Variants in SLC35F4 observed in about 807,000 individuals in gnomAD.
SLC35F4 encodes the protein solute carrier family 35 member F4, also known as chromosome 14 open reading frame 36.
Under a neutral mutation model 44.2 loss-of-function variants are expected in SLC35F4, and 24 were observed. That is an observed-to-expected ratio of 0.54 (90% CI 0.39 to 0.76). The LOEUF (loss-of-function observed/expected upper bound fraction) is 0.76, where lower values mean the gene tolerates loss of function less well. Ranked by LOEUF, SLC35F4 falls within the 30% of genes least tolerant of loss-of-function variation. The pLI is 0.00. For synonymous variants in SLC35F4, 238 were observed against 223.6 expected (o/e 1.06, Z -0.57); for missense variants, 562 against 586.1 (o/e 0.96, Z 0.42).
intron 1 of SLC35F4, among the ~76,000 whole-genome samples, chr14:57,879,634 C>A (rs948823381): frequency 6.6e-6 from 1 of 152,132 alleles, no homozygotes; most frequent in Non-Finnish European, 1.5e-5. Context: ...TATTTCCCTG[C>A]CAGGAGAATG....
chr14:57,577,268 TTTAACTGATGTAC>T (rs1185850149), intron 4 of SLC35F4, among the ~76,000 whole-genome samples: 1 of 152,194 alleles, frequency 6.6e-6, no homozygotes, highest in Non-Finnish European at 1.5e-5. Flanking sequence ...AAAGATTCAG[TTTAACTGATGTAC>T]TTCAGTCAGT....
At chr14:57,917,023 T>C (rs1329647011) in intron 1 of SLC35F4, among the ~76,000 whole-genome samples, 1 of 152,060 alleles carries the variant, frequency 6.6e-6, no homozygotes, top group African/African-American at 2.4e-5. Flanking sequence ...TTGTTTTTGT[T>C]TGTTTGTTTG....
At position 57,613,152 on chromosome 14, in the gene SLC35F4, G is replaced by C. The variant is rs557505730; in HGVS notation, c.104-19028C>G. Reference sequence around the variant, plus strand: ...GTTGAGAACAACTGCTTACTATCTTGGGAAGCTGTCTGAGTTTCCTCCTTC... The same window carrying C: ...GTTGAGAACAACTGCTTACTATCTTCGGAAGCTGTCTGAGTTTCCTCCTTC... On this transcript the variant is annotated intron_variant, in intron 1 of 7. Coordinates refer to ENST00000556826, the MANE Select transcript of SLC35F4 (RefSeq NM_001306087.2). Among the ~76,000 whole-genome samples the C allele has an allele frequency of 1.1e-4, 17 of 152,288 alleles. No homozygotes were observed. The East Asian group carries it at 3.3e-3, about 29-fold the overall frequency.
In SLC35F4 at chr14:57,596,926, A is replaced by G. The variant is rs777922825; in HGVS notation, c.104-2802T>C. ...AGACATTTTAATCACTGTCTTAAAC[A>G]ATACAAACTTTAAACTTCCAAGCCA... On this transcript the variant is annotated intron_variant, in intron 1 of 7. Transcript: ENST00000556826. 3 of 1,347,208 alleles carry G rather than the reference A, an allele frequency of 2.2e-6. No homozygotes were observed. In the Admixed American group the frequency reaches 5.9e-5, roughly 27 times the overall value. The allele number at this position is 1,347,208 out of a possible 1,614,324, so 83.5% of individuals were successfully genotyped here.
intron 1 of SLC35F4, among the ~76,000 whole-genome samples, chr14:57,645,600 T>G (rs1233028281): frequency 6.6e-6 from 1 of 151,454 alleles, no homozygotes; most frequent in African/African-American, 2.4e-5. Context: ...TTTTCCTAAT[T>G]GAATGCCCTT....
At chr14:57,737,085 ATTCT>A (rs1566808610) in intron 1 of SLC35F4, among the ~76,000 whole-genome samples, 1 of 146,744 alleles carries the variant, frequency 6.8e-6, no homozygotes, top group Non-Finnish European at 1.5e-5. Context: ...GGAAAATGAC[ATTCT>A]TTCTATCTTT....
chr14:57,704,272 G>C (rs1047797304), intron 1 of SLC35F4, among the ~76,000 whole-genome samples: 2 of 152,066 alleles, frequency 1.3e-5, no homozygotes, highest in African/African-American at 4.8e-5. Context: ...CTGGTCGGAC[G>C]GAAACCTCTG....
At chr14:57,800,436 GA>G (rs2078164351) in intron 1 of SLC35F4, among the ~76,000 whole-genome samples, 1 of 152,178 alleles carries the variant, frequency 6.6e-6, no homozygotes, top group Non-Finnish European at 1.5e-5. Flanking sequence ...GCTAAAAACT[GA>G]ACAAGCCAGA....
chr14:57,787,400 G>A (rs1010692326), intron 1 of SLC35F4, among the ~76,000 whole-genome samples: 21 of 152,068 alleles, frequency 1.4e-4, no homozygotes, highest in Admixed American at 1.2e-3. Flanking sequence ...CCAAACACAA[G>A]AAGCACAAAG....
chr14:57,819,993 G>C (rs969758797), intron 1 of SLC35F4, among the ~76,000 whole-genome samples: 1 of 151,982 alleles, frequency 6.6e-6, no homozygotes, highest in Non-Finnish European at 1.5e-5. Context: ...ACATGAGAGG[G>C]GTGGAATTGA....
chr14:57,580,585 C>G (rs752290530), intron 4 of SLC35F4: 69 of 319,774 alleles, frequency 2.2e-4, no homozygotes, highest in South Asian at 1.6e-3. Flanking sequence ...TGTTTTTAAT[C>G]CATATTACTC....
intron 1 of SLC35F4, among the ~76,000 whole-genome samples, chr14:57,794,491 G>A (rs903541143): frequency 6.6e-6 from 1 of 152,088 alleles, no homozygotes; most frequent in Non-Finnish European, 1.5e-5. Flanking sequence ...GAATCACAAT[G>A]AGATACCACC....
At chr14:57,957,479 CA>C (rs1302908776) in intron 1 of SLC35F4, among the ~76,000 whole-genome samples, 1 of 151,686 alleles carries the variant, frequency 6.6e-6, no homozygotes, top group Non-Finnish European at 1.5e-5. Context: ...ACAAATTTTG[CA>C]AATTCACCTA....
chr14:57,842,579 T>G (rs1885589039), intron 1 of SLC35F4, among the ~76,000 whole-genome samples: 1 of 152,162 alleles, frequency 6.6e-6, no homozygotes. Context: ...AGACATCCAC[T>G]GCTTAACACA....
chr14:57,591,878 T>A (rs1848792187), intron 2 of SLC35F4, among the ~76,000 whole-genome samples: 2 of 152,252 alleles, frequency 1.3e-5, no homozygotes, highest in South Asian at 4.1e-4. Context: ...AGGCAATATC[T>A]GCCTTTACTG....
intron 1 of SLC35F4, among the ~76,000 whole-genome samples, chr14:57,883,333 A>G (rs992740067): frequency 3.9e-5 from 6 of 152,220 alleles, no homozygotes; most frequent in African/African-American, 7.2e-5. Context: ...CATTACTGTC[A>G]CATGACTGCA....
At chr14:57,909,600 A>G (rs1889176842) in intron 1 of SLC35F4, among the ~76,000 whole-genome samples, 1 of 151,330 alleles carries the variant, frequency 6.6e-6, no homozygotes. Flanking sequence ...GTTTCTTTTC[A>G]TTATTAATAT....
At chr14:57,609,067 C>T (rs2071337992) in intron 1 of SLC35F4, among the ~76,000 whole-genome samples, 1 of 152,072 alleles carries the variant, frequency 6.6e-6, no homozygotes, top group Non-Finnish European at 1.5e-5. Context: ...TTTGAAAACA[C>T]AGAAATTGTG....
intron 1 of SLC35F4, among the ~76,000 whole-genome samples, chr14:57,717,844 C>G (rs36023287): frequency 6.6e-6 from 1 of 151,926 alleles, no homozygotes. Context: ...AAGCATTTAT[C>G]CTTTGTTACA....
Sources: allele counts gnomAD v4.1 joint callset (sites outside exome capture counted in the v4.1 genomes callset), GRCh38; gene constraint gnomAD v4.1.1; transcripts MANE v1.5; gene names NCBI Gene and HGNC (gene_info 2026-07-23, HGNC 2026-07-21).